Variants in RNF149 observed in about 807,000 individuals in gnomAD.
RNF149 encodes ring finger protein 149.
A neutral mutation model predicts 39.0 loss-of-function variants in RNF149; 21 were observed. That is an observed-to-expected ratio of 0.54 (90% confidence interval 0.38 to 0.77). The LOEUF (loss-of-function observed/expected upper bound fraction) is 0.77. Among genes scored for constraint, RNF149 ranks in the 30% least tolerant of loss-of-function variants. The pLI is 0.00. For missense variants in RNF149, 493 were observed against 534.9 expected (o/e 0.92, Z 0.77); for synonymous variants, 209 against 213.6 (o/e 0.98, Z 0.19).
chr2:101,295,322 C>A (rs1683181919), intron 1 of RNF149, 141 bp from the exon 2 acceptor site: 3 of 720,752 alleles, frequency 4.2e-6, no homozygotes, highest in Non-Finnish European at 6.7e-6. Context: ...GTTACCAAAC[C>A]TGGTTCCAAA....
chr2:101,284,876 A>C (rs1001731966), intron 5 of RNF149, among the ~76,000 whole-genome samples: 1 of 152,096 alleles, frequency 6.6e-6, no homozygotes, highest in South Asian at 2.1e-4. Flanking sequence ...TTGATAAATT[A>C]TTTTCCCCAA....
At chr2:101,273,867 TTTCTTTTTTGCTAC>T (rs1682232912), downstream of RNF149, among the ~76,000 whole-genome samples, 1 of 152,220 alleles carries the variant, frequency 6.6e-6, no homozygotes, top group African/African-American at 2.4e-5. Flanking sequence ...CTCTTGCTAA[TTTCTTTTTTGCTAC>T]TAAAGACTTG....
intron 1 of RNF149, among the ~76,000 whole-genome samples, chr2:101,296,387 A>C (rs1044044435): frequency 6.6e-6 from 1 of 152,204 alleles, no homozygotes; most frequent in Non-Finnish European, 1.5e-5. Flanking sequence ...AAAAGAACTA[A>C]ACATATTGCT....
In RNF149 at chr2:101,294,918, T is replaced by C. The variant is rs760725417; in HGVS notation, c.711+13A>G. 6.3e-7 allele frequency: 1 copy of C among 1,597,500 alleles called. No individual in the cohort carries two copies. Among genetic ancestry groups the C allele is most frequent in the South Asian group, 1.1e-5 (1 of 89,832 alleles). ...TCTTTTAAAAAGCAAAATTCAGAGT[T>C]ATCCATCATTACCTGACTTCCAATC... is the stretch of plus-strand genomic sequence containing the variant. On this transcript the variant is annotated intron_variant, in intron 2 of 6. Coordinates refer to ENST00000295317, the MANE Select transcript of RNF149 (RefSeq NM_173647.4).
rs144281444 is a variant in RNF149 at position 101,294,244 on chromosome 2, C to A, written c.712-162G>T. 1,581 of 497,502 alleles carry A rather than the reference C, an allele frequency of 3.2e-3. 19 individuals are homozygous for A. Among genetic ancestry groups the A allele is most frequent in the African/African-American group, 0.028 (1,397 of 50,162 alleles). 30.8% of individuals were successfully genotyped at this position (497,502 alleles called of 1,614,324 possible). A position where few individuals can be genotyped will look rare whatever the true frequency, so the allele number is the denominator to read the frequency against. On this transcript the variant is annotated intron_variant, in intron 2 of 6. Transcript: ENST00000295317. ...AAAATAACTTTTAATGGCAAAACTG[C>A]GATTACTTTTGCACCAACTTCATAA...
At chr2:101,284,897 TTAAA>T (rs1334447404) in intron 5 of RNF149, among the ~76,000 whole-genome samples, 4 of 152,184 alleles carry the variant, frequency 2.6e-5, no homozygotes, top group African/African-American at 9.7e-5. Context: ...AGATCTTTAT[TTAAA>T]AACTGTTATT....
intron 5 of RNF149, among the ~76,000 whole-genome samples, chr2:101,284,528 C>A (rs1369926686): frequency 6.6e-6 from 1 of 152,092 alleles, no homozygotes; most frequent in Non-Finnish European, 1.5e-5. Context: ...TTGAAGTGAG[C>A]CAAGATCACG....
At chr2:101,302,866 G>A (rs1683507636) in intron 1 of RNF149, among the ~76,000 whole-genome samples, 2 of 151,966 alleles carry the variant, frequency 1.3e-5, no homozygotes, top group Admixed American at 6.6e-5. Flanking sequence ...TGTAGTCCCA[G>A]CTACGCAGAA....
At chr2:101,272,212 C>T (rs1020067179), downstream of RNF149, among the ~76,000 whole-genome samples, 2 of 152,208 alleles carry the variant, frequency 1.3e-5, no homozygotes, top group African/African-American at 4.8e-5. Flanking sequence ...GATCTGATAC[C>T]TGCAATCAGC....
chr2:101,307,832 T>C, intron 1 of RNF149: 1 of 985,378 alleles, frequency 1.0e-6, no homozygotes, highest in African/African-American at 1.7e-5. Context: ...AATCATGAGA[T>C]TTCCTCACCT....
rs138575347 is a variant in RNF149, at chr2:101,294,014, C to G, written c.780G>C (p.Lys260Asn). 1.3e-6 allele frequency: 2 copies of G among 1,550,546 alleles called. No individual in the cohort carries two copies. Among genetic ancestry groups the G allele is most frequent in the Non-Finnish European group, 1.8e-6 (2 of 1,125,870 alleles). The stretch of plus-strand genomic sequence containing the variant: ...AAAAGAAAAACCATGAAAATATTAC[C>G]TTTTCTCCATGCTTTACAGTATGAA... The part of the protein sequence containing the change: ...LLLHTVKHGE[K>N]GIDVDAENCA... Residue 260 changes from lysine to asparagine, a missense_variant and splice_region_variant, in exon 3 of 7, where the codon AAG becomes AAC. Physicochemically the swap from Lys to Asn is moderately conservative, Grantham distance 94 (BLOSUM62 0). Coordinates refer to ENST00000295317, the MANE Select transcript of RNF149 (RefSeq NM_173647.4).
rs1401478552 is a variant in RNF149 at position 101,276,310 on chromosome 2, A to T, written c.*928T>A. 1.0e-6 allele frequency: 1 copy of T among 985,550 alleles called. No homozygotes were observed. The allele number at this position is 985,550 out of a possible 1,614,324, so 61.1% of individuals were successfully genotyped here. The stretch of plus-strand genomic sequence containing the variant: ...GCCTGCTCCTTTGACCCAAAAGAAC[A>T]GCAAGCAAGTAAAAAAGAAGAAACG... On this transcript the variant is annotated 3_prime_UTR_variant, in exon 7 of 7. Coordinates refer to ENST00000295317, the MANE Select transcript of RNF149 (RefSeq NM_173647.4).
chr2:101,278,199 G>GCCTGGT (rs1682423227), intron 6 of RNF149, among the ~76,000 whole-genome samples: 1 of 152,016 alleles, frequency 6.6e-6, no homozygotes, highest in Admixed American at 6.6e-5. Flanking sequence ...AGGCTGCAGT[G>GCCTGGT]CAGTGACATG....
chr2:101,274,451 T>C (rs1245511552), downstream of RNF149, among the ~76,000 whole-genome samples: 1 of 152,228 alleles, frequency 6.6e-6, no homozygotes, highest in Non-Finnish European at 1.5e-5. Flanking sequence ...GGAACCCTTA[T>C]AACCAAATCC....
chr2:101,284,858 G>A (rs1682733057), intron 5 of RNF149, among the ~76,000 whole-genome samples: 1 of 152,194 alleles, frequency 6.6e-6, no homozygotes. Flanking sequence ...TTAGCAACAA[G>A]ACTATATTTG....
chr2:101,294,925 CATT>C lies in RNF149; in HGVS notation c.711+3_711+5del. ...AAAAGCAAAATTCAGAGTTATCCATCATTACCTGACTTCCAATCTGAGAGCCAG... is the reference window on the plus strand; with the variant it reads ...AAAAGCAAAATTCAGAGTTATCCATCACCTGACTTCCAATCTGAGAGCCAG... On this transcript the variant is annotated splice_donor_5th_base_variant and intron_variant, in intron 2 of 6. Transcript: ENST00000295317. 6.2e-7 allele frequency: 1 copy of C among 1,606,332 alleles called. No individual in the cohort carries two copies. Among genetic ancestry groups the C allele is most frequent in the Non-Finnish European group, 8.5e-7 (1 of 1,173,898 alleles).
chr2:101,308,517 G>A lies in RNF149; in HGVS notation c.72C>T (p.Ala24=), dbSNP rs1683775804. 6.2e-7 allele frequency: 1 copy of A among 1,606,938 alleles called. No homozygotes were observed. The highest frequency in any genetic ancestry group is 1.7e-5 in the Admixed American group (1 of 59,596). The change falls in exon 1 of 7, where the codon GCC becomes GCT. Residue 24 remains alanine (A), a synonymous_variant. Transcript: ENST00000295317. ...GVLALALLAL[A]LCVPGARGRA... ...GGCCCCGGGCCCCGGGCACGCACAG[G>A]GCCAGGGCGAGCAACGCCAGAGCCA...
At chr2:101,303,225 C>T (rs1269613499) in intron 1 of RNF149, among the ~76,000 whole-genome samples, 3 of 151,962 alleles carry the variant, frequency 2.0e-5, no homozygotes, top group Admixed American at 1.3e-4. Context: ...AAACTATTCT[C>T]ATGTCTCAGC....
Position 101,303,315 on chromosome 2 carries a change from G to A in RNF149, c.460+4814C>T, listed in dbSNP as rs371516902. 6.9e-4 allele frequency among the ~76,000 whole-genome samples: 104 copies of A among 150,884 alleles called. 1 individual carries two copies. The highest frequency in any genetic ancestry group is 2.5e-3 in the African/African-American group (101 of 41,044). The stretch of plus-strand genomic sequence containing the variant: ...TTTTTTTTGTATTTTTAGTAGAGAC[G>A]GGGTTTTTGCCATGTTGGCCAGGCC... On this transcript the variant is annotated intron_variant, in intron 1 of 6. Transcript: ENST00000295317.
Sources: gnomAD v4.1 joint callset for allele counts (sites outside exome capture counted in the v4.1 genomes callset) on GRCh38, gnomAD v4.1.1 for gene constraint, MANE v1.5 for transcripts, NCBI Gene and HGNC (gene_info 2026-07-23, HGNC 2026-07-21) for gene names.